SP4: variants seen among roughly 807,000 people sequenced by gnomAD.
The protein encoded by SP4 is Sp4 transcription factor.
In SP4, 19 loss-of-function variants were observed where a neutral mutation model predicts 72.8. That is an observed-to-expected ratio of 0.26 (90% CI 0.18 to 0.38). SP4 has a LOEUF of 0.38. Ranked by LOEUF, SP4 falls within the 10% of genes least tolerant of loss-of-function variation. The pLI is 1.00. For synonymous variants in SP4, 395 were observed against 333.1 expected (o/e 1.19, Z -2.02); for missense variants, 1,008 against 926.3 (o/e 1.09, Z -1.14).
chr7:21,447,487 C>T lies in SP4; in HGVS notation c.1678+16644C>T, dbSNP rs955701841. Among the ~76,000 whole-genome samples the T allele has an allele frequency of 3.7e-4, 57 of 152,108 alleles. 1 individual carries two copies. The highest frequency in any genetic ancestry group is 6.5e-4 in the Non-Finnish European group (44 of 68,008). On this transcript the variant is annotated intron_variant, in intron 3 of 5. Coordinates refer to ENST00000222584, the MANE Select transcript of SP4 (RefSeq NM_003112.5). ...CTTTGTATTTCAGTTTCAAAGGAGA[C>T]AACTTTCTAATATTCTAGAAGGTGA...
intron 5 of SP4, among the ~76,000 whole-genome samples, chr7:21,489,538 CT>C (rs1784914262): frequency 8.2e-6 from 1 of 121,258 alleles, no homozygotes; most frequent in South Asian, 2.8e-4. Flanking sequence ...CCAGGCTGGT[CT>C]TTTTTTCTTT....
At chr7:21,447,354 A>G (rs1783460211) in intron 3 of SP4, among the ~76,000 whole-genome samples, 1 of 152,144 alleles carries the variant, frequency 6.6e-6, no homozygotes, top group South Asian at 2.1e-4. Flanking sequence ...ATCCTAACCT[A>G]CCTAACCATT....
In SP4 at chr7:21,433,057, C is replaced by T. The variant is rs543132739; in HGVS notation, c.1678+2214C>T. Reference sequence around the variant, plus strand: ...TGGTCATCAGCAGTGAACCAGAAGACAGAATATGGAAGCAAGTGGGGGTGT... The same window carrying T: ...TGGTCATCAGCAGTGAACCAGAAGATAGAATATGGAAGCAAGTGGGGGTGT... On this transcript the variant is annotated intron_variant, in intron 3 of 5. Coordinates refer to ENST00000222584, the MANE Select transcript of SP4 (RefSeq NM_003112.5). 5.2e-4 allele frequency among the ~76,000 whole-genome samples: 79 copies of T among 152,292 alleles called. 1 individual carries two copies. Among genetic ancestry groups the T allele is most frequent in the Middle Eastern group, 6.8e-3 (2 of 294 alleles).
chr7:21,511,444 A>C lies in SP4; in HGVS notation c.*175A>C. ...TGAAGTGTTGAATTTTAAAAAATAC[A>C]AAAAGCAGACTGATGTACTGGAAAC... On this transcript the variant is annotated 3_prime_UTR_variant, in exon 6 of 6. Transcript: ENST00000222584. 3.2e-6 allele frequency: 2 copies of C among 615,512 alleles called. No homozygotes were observed. Among genetic ancestry groups the C allele is most frequent in the Non-Finnish European group, 5.6e-6 (2 of 359,752 alleles). The allele number at this position is 615,512 out of a possible 1,614,324, so 38.1% of individuals were successfully genotyped here. A position where few individuals can be genotyped will look rare whatever the true frequency, so the allele number is the denominator to read the frequency against.
intron 3 of SP4, among the ~76,000 whole-genome samples, chr7:21,463,271 G>C (rs1281627714): frequency 6.6e-6 from 1 of 152,034 alleles, no homozygotes; most frequent in Non-Finnish European, 1.5e-5. Context: ...CAAGGAAAGG[G>C]GAATGAGGAT....
chr7:21,458,295 C>G (rs1783839712), intron 3 of SP4, among the ~76,000 whole-genome samples: 1 of 152,128 alleles, frequency 6.6e-6, no homozygotes, highest in Non-Finnish European at 1.5e-5. Flanking sequence ...TGGGTTCAAG[C>G]AATTCTTCCG....
At chr7:21,505,561 C>A (rs901285626) in intron 5 of SP4, among the ~76,000 whole-genome samples, 2 of 152,118 alleles carry the variant, frequency 1.3e-5, no homozygotes, top group African/African-American at 4.8e-5. Context: ...TAGCATCTTC[C>A]CATTCAAAGG....
chr7:21,486,558 T>G (rs1562619873), intron 5 of SP4, among the ~76,000 whole-genome samples: 2 of 152,140 alleles, frequency 1.3e-5, no homozygotes. Context: ...TCTGTCACAT[T>G]GGGTTTGTCT....
intron 3 of SP4, among the ~76,000 whole-genome samples, chr7:21,451,231 G>T (rs73265620): frequency 1.3e-5 from 2 of 152,116 alleles, no homozygotes; most frequent in Admixed American, 1.3e-4. Context: ...GAGCTCACTC[G>T]TCCAACTCCT....
rs201595143 is a variant in SP4, at chr7:21,514,521, ATT to A, written c.*3259_*3260del. On this transcript the variant is annotated 3_prime_UTR_variant, in exon 6 of 6. Transcript: ENST00000222584. The stretch of plus-strand genomic sequence containing the variant: ...TTTTGTAGTAACATTTCACTTGTAA[ATT>A]TTTTTTGTAAAAAAAAAAAAATGAA... 1 of 86,228 alleles carries A rather than the reference ATT, an allele frequency of 1.2e-5. No homozygotes were observed. The highest frequency in any genetic ancestry group is 4.9e-5 in the African/African-American group (1 of 20,340). The allele number at this position is 86,228 out of a possible 1,614,324, so 5.3% of individuals were successfully genotyped here.
At chr7:21,466,582 C>T (rs1388711369) in intron 3 of SP4, among the ~76,000 whole-genome samples, 1 of 152,118 alleles carries the variant, frequency 6.6e-6, no homozygotes, top group Non-Finnish European at 1.5e-5. Flanking sequence ...AATATTGGTT[C>T]ACAGATTGTA....
intron 3 of SP4, among the ~76,000 whole-genome samples, chr7:21,444,128 G>A (rs539216578): frequency 5.8e-4 from 88 of 152,256 alleles, no homozygotes; most frequent in Admixed American, 1.9e-3. Context: ...ACTCCCTACT[G>A]GCAGACTGCA....
chr7:21,466,817 C>T lies in SP4; in HGVS notation c.1679-10262C>T, dbSNP rs117431458. On this transcript the variant is annotated intron_variant, in intron 3 of 5. Transcript: ENST00000222584. The stretch of plus-strand genomic sequence containing the variant: ...TTTTTTTTTTTTACCACCAGTGTAC[C>T]ATGGAATCTCTCTAGTCATATGTCT... 3.9e-3 allele frequency among the ~76,000 whole-genome samples: 596 copies of T among 151,164 alleles called. 21 individuals are homozygous for T. Among genetic ancestry groups the T allele is most frequent in the Admixed American group, 0.029 (440 of 15,168 alleles).
intron 3 of SP4, among the ~76,000 whole-genome samples, 162 bp from the exon 4 acceptor site, chr7:21,476,917 A>C (rs139643410): frequency 6.6e-6 from 1 of 152,220 alleles, no homozygotes; most frequent in African/African-American, 2.4e-5. Flanking sequence ...TAAGAATACT[A>C]TATTTTAGAA....
intron 5 of SP4, among the ~76,000 whole-genome samples, chr7:21,494,385 C>T (rs1210266012): frequency 1.3e-5 from 2 of 152,018 alleles, no homozygotes; most frequent in Non-Finnish European, 2.9e-5. Context: ...ATAGCAAATC[C>T]GTGGTGCCTA....
intron 3 of SP4, among the ~76,000 whole-genome samples, chr7:21,448,482 T>C (rs369501992): frequency 1.3e-4 from 20 of 152,298 alleles, no homozygotes; most frequent in African/African-American, 4.8e-4. Context: ...GAAGGTGACA[T>C]TGTGGTGCTG....
intron 4 of SP4, among the ~76,000 whole-genome samples, chr7:21,480,201 AAG>A (rs1472173275): frequency 1.3e-5 from 2 of 152,152 alleles, no homozygotes; most frequent in Non-Finnish European, 1.5e-5. Flanking sequence ...CCATATTCAT[AAG>A]AGAGATGTCT....
At chr7:21,446,156 A>C (rs973842773) in intron 3 of SP4, among the ~76,000 whole-genome samples, 2 of 152,020 alleles carry the variant, frequency 1.3e-5, no homozygotes, top group Non-Finnish European at 1.5e-5. Context: ...ATACCTATTC[A>C]TCACCTTCCT....
At position 21,477,117 on chromosome 7, in the gene SP4, G is replaced by C; in HGVS notation, c.1717G>C (p.Ala573Pro). 1 of 1,614,026 alleles carries C rather than the reference G, an allele frequency of 6.2e-7. No homozygotes were observed. Among genetic ancestry groups the C allele is most frequent in the Non-Finnish European group, 8.5e-7 (1 of 1,180,004 alleles). Residue 573 changes from alanine to proline, a missense_variant, in exon 4 of 6, where the codon GCT (alanine) becomes CCT (proline). Ala to Pro is a conservative substitution (Grantham distance 27, BLOSUM62 -1). This residue lies in a region of SP4 where 893 missense variants were observed against 743.3 expected (regional missense o/e 1.20). Transcript: ENST00000222584. The stretch of plus-strand genomic sequence containing the variant: ...ACAAGATGGAGTAAAAGTCCAGCAA[G>C]CTACTATAGCTCCTGTAACTGTAGC... ...QGQDGVKVQQATIAPVTVAVG... is the reference protein window; with the variant it reads ...QGQDGVKVQQPTIAPVTVAVG...
Sources: gnomAD v4.1 joint callset for allele counts (sites outside exome capture counted in the v4.1 genomes callset) on GRCh38, gnomAD v4.1.1 for gene constraint, gnomAD v4.1.1 regional missense constraint, MANE v1.5 for transcripts, NCBI Gene and HGNC (gene_info 2026-07-23, HGNC 2026-07-21) for gene names.